ATP8B4: variants seen among roughly 807,000 people sequenced by gnomAD.
ATP8B4 encodes the protein ATPase phospholipid transporting 8B4 (putative), also known as probable phospholipid-transporting ATPase IM.
Under a neutral mutation model 145.6 loss-of-function variants are expected in ATP8B4, and 133 were observed. The ratio of observed to expected loss-of-function variants is 0.91; its 90% CI spans 0.79 to 1.05. ATP8B4 has a LOEUF of 1.05. ATP8B4 is among the 50% of genes least tolerant of loss of function. The pLI is 0.00. For missense variants in ATP8B4, 1,458 were observed against 1,425.2 expected (o/e 1.02, Z -0.37); for synonymous variants, 507 against 492.9 (o/e 1.03, Z -0.38).
intron 3 of ATP8B4, among the ~76,000 whole-genome samples, chr15:50,047,864 C>G (rs542344785): frequency 1.3e-5 from 2 of 152,190 alleles, no homozygotes; most frequent in South Asian, 4.1e-4. Context: ...TTTTAGATAC[C>G]TCCGACAAGG....
chr15:49,899,930 G>C lies in ATP8B4; in HGVS notation c.2289+1162C>G, dbSNP rs566558382. 2.0e-5 allele frequency among the ~76,000 whole-genome samples: 3 copies of C among 152,300 alleles called. No homozygotes were observed. In the East Asian group the frequency reaches 5.8e-4, roughly 29 times the overall value. ...CTTTCAATGCACTTAGAGACAGAGA[G>C]AGAGAATGGTATAAATTATCACCTG... On this transcript the variant is annotated intron_variant, in intron 21 of 27. Transcript: ENST00000284509.
upstream of ATP8B4, among the ~76,000 whole-genome samples, chr15:50,123,847 C>T (rs933544452): frequency 3.9e-5 from 6 of 152,254 alleles, no homozygotes; most frequent in East Asian, 1.2e-3. Context: ...GTCTTCTCCT[C>T]TCTCTAGGGC....
chr15:50,162,287 A>T (rs2044531770), intron 1 of ATP8B4, among the ~76,000 whole-genome samples: 1 of 151,000 alleles, frequency 6.6e-6, no homozygotes, highest in Non-Finnish European at 1.5e-5. Flanking sequence ...GTGTTCTATA[A>T]CCTTCTTATA....
At chr15:50,178,283 C>G (rs1567421142) in intron 1 of ATP8B4, among the ~76,000 whole-genome samples, 1 of 152,114 alleles carries the variant, frequency 6.6e-6, no homozygotes, top group Non-Finnish European at 1.5e-5. Context: ...CTTAACTAAG[C>G]CTATGGGGAC....
intron 23 of ATP8B4, among the ~76,000 whole-genome samples, chr15:49,890,470 T>C (rs536900665): frequency 1.8e-4 from 27 of 152,284 alleles, no homozygotes; most frequent in African/African-American, 5.8e-4. Context: ...TTTAAAAGAC[T>C]GGAAGTAAGT....
At chr15:50,047,303 G>T in intron 4 of ATP8B4, 48 bp downstream of exon 4, 2 of 1,188,928 alleles carry the variant, frequency 1.7e-6, no homozygotes, top group South Asian at 1.3e-5. Flanking sequence ...ACAATTTTAT[G>T]AATACTTTAA....
chr15:49,868,735 A>G (rs532511266), intron 25 of ATP8B4, among the ~76,000 whole-genome samples: 56 of 152,216 alleles, frequency 3.7e-4, no homozygotes, highest in Non-Finnish European at 5.4e-4. Flanking sequence ...TAATTGAAGA[A>G]GCATAAGGAA....
At chr15:50,088,860 G>T (rs2055398365) in intron 2 of ATP8B4, among the ~76,000 whole-genome samples, 1 of 152,168 alleles carries the variant, frequency 6.6e-6, no homozygotes, top group African/African-American at 2.4e-5. Context: ...CTAGATAGAT[G>T]AATGGATAGA....
intron 1 of ATP8B4, among the ~76,000 whole-genome samples, chr15:50,113,563 G>A (rs1011366485): frequency 6.6e-6 from 1 of 152,150 alleles, no homozygotes; most frequent in East Asian, 1.9e-4. Context: ...ATAAGGCCAG[G>A]AGCGGTGGCT....
At chr15:50,142,628 C>T (rs1204926392) in intron 1 of ATP8B4, among the ~76,000 whole-genome samples, 3 of 152,100 alleles carry the variant, frequency 2.0e-5, no homozygotes, top group Non-Finnish European at 4.4e-5. Context: ...TGGTAGAAAG[C>T]AACGAGGAAT....
chr15:50,002,688 A>G (rs2047991344), intron 7 of ATP8B4, among the ~76,000 whole-genome samples: 1 of 152,156 alleles, frequency 6.6e-6, no homozygotes, highest in African/African-American at 2.4e-5. Flanking sequence ...AATAAAAATA[A>G]GAGGGGCAAG....
chr15:50,038,746 A>G (rs772082920), intron 6 of ATP8B4, 22 bp downstream of exon 6: 1 of 1,595,954 alleles, frequency 6.3e-7, no homozygotes, highest in Non-Finnish European at 8.6e-7. Context: ...TTTCAGAATA[A>G]CCCACAGAAT....
intron 1 of ATP8B4, among the ~76,000 whole-genome samples, chr15:50,155,322 A>G (rs553316601): frequency 6.2e-4 from 94 of 152,288 alleles, no homozygotes; most frequent in African/African-American, 2.1e-3. Context: ...TTATATGTTT[A>G]TAAAGATTCT....
chr15:49,975,392 C>G (rs1374700452), intron 12 of ATP8B4, among the ~76,000 whole-genome samples: 1 of 152,068 alleles, frequency 6.6e-6, no homozygotes, highest in Non-Finnish European at 1.5e-5. Flanking sequence ...TGCATATAGC[C>G]TATCCATAAC....
At chr15:50,047,263 C>CA in intron 4 of ATP8B4, 88 bp downstream of exon 4, 1 of 806,690 alleles carries the variant, frequency 1.2e-6, no homozygotes, top group Non-Finnish European at 2.0e-6. Context: ...TAATCACGAA[C>CA]ATTTAGCTAA....
chr15:49,997,320 G>C (rs2047510216), intron 8 of ATP8B4, among the ~76,000 whole-genome samples: 1 of 152,076 alleles, frequency 6.6e-6, no homozygotes, highest in Non-Finnish European at 1.5e-5. Flanking sequence ...CTTCTTATAG[G>C]TGAGACCACA....
intron 6 of ATP8B4, among the ~76,000 whole-genome samples, chr15:50,025,066 T>C (rs1480996288): frequency 6.6e-6 from 1 of 152,260 alleles, no homozygotes; most frequent in East Asian, 1.9e-4. Context: ...CTTTATTTAA[T>C]TCACTTTAGT....
chr15:49,915,924 CT>C (rs925276662), intron 20 of ATP8B4, among the ~76,000 whole-genome samples: 5 of 150,530 alleles, frequency 3.3e-5, no homozygotes, highest in African/African-American at 1.2e-4. Context: ...ACTTTTAAGA[CT>C]TCCTTTTTTT....
At chr15:50,002,822 A>G (rs529005576) in intron 7 of ATP8B4, among the ~76,000 whole-genome samples, 1 of 152,282 alleles carries the variant, frequency 6.6e-6, no homozygotes, top group Admixed American at 6.5e-5. Flanking sequence ...AATGTAGTCA[A>G]AGGCAGTGGG....
Sources: gnomAD v4.1 joint callset for allele counts (sites outside exome capture counted in the v4.1 genomes callset) on GRCh38, gnomAD v4.1.1 for gene constraint, MANE v1.5 for transcripts, NCBI Gene and HGNC (gene_info 2026-07-23, HGNC 2026-07-21) for gene names.